The following USP34 variants were observed in gnomAD, a reference collection of about 807,000 sequenced individuals.
The protein encoded by USP34 is ubiquitin carboxyl-terminal hydrolase 34.
In USP34, 70 loss-of-function variants were observed where a neutral mutation model predicts 460.3. The observed-to-expected ratio is 0.15, with a 90% CI of 0.13 to 0.19. The LOEUF (loss-of-function observed/expected upper bound fraction) is 0.19, where lower values mean the gene tolerates loss of function less well. USP34 is among the 10% of genes least tolerant of loss of function. The pLI, the probability that USP34 is intolerant of heterozygous loss-of-function variation, is 1.00. For synonymous variants in USP34, 1,647 were observed against 1,405.3 expected (o/e 1.17, Z -3.85); for missense variants, 3,985 against 4,236.2 (o/e 0.94, Z 1.65).
At position 61,188,435 on chromosome 2, in the gene USP34, T is replaced by C. The variant is rs1262858410; in HGVS notation, c.10308A>G (p.Glu3436=). 4 of 1,614,072 alleles carry C rather than the reference T, an allele frequency of 2.5e-6. No individual in the cohort carries two copies. Among genetic ancestry groups the C allele is most frequent in the Non-Finnish European group, 3.4e-6 (4 of 1,179,994 alleles). Residue 3436 remains glutamate (E), a synonymous_variant, in exon 80 of 80, where the codon GAA becomes GAG. Coordinates refer to ENST00000398571, the MANE Select transcript of USP34 (RefSeq NM_014709.4). ...CATATCTACCATTGTTGGACTGTTC[T>C]TCTGCATGCTGTGACCTGATATTTG... is the stretch of plus-strand genomic sequence containing the variant. ...DMSNIRSQHA[E]EQSNNGRYDD...
At chr2:61,313,041 C>T (rs1690641631) in intron 25 of USP34, among the ~76,000 whole-genome samples, 1 of 152,036 alleles carries the variant, frequency 6.6e-6, no homozygotes, top group Admixed American at 6.6e-5. Context: ...CTAAGCACAT[C>T]AAGAACAAAA....
intron 2 of USP34, among the ~76,000 whole-genome samples, chr2:61,409,998 A>G (rs994127255): frequency 2.0e-5 from 3 of 152,222 alleles, no homozygotes; most frequent in Admixed American, 2.0e-4. Flanking sequence ...AAGTCTAGGT[A>G]TATGAATTCT....
chr2:61,312,401 A>G (rs1369397837), intron 25 of USP34, among the ~76,000 whole-genome samples: 1 of 152,124 alleles, frequency 6.6e-6, no homozygotes, highest in African/African-American at 2.4e-5. Context: ...AAAGTGAATT[A>G]CAAAGACTTG....
intron 33 of USP34, among the ~76,000 whole-genome samples, 162 bp downstream of exon 33, chr2:61,293,302 T>C (rs976768628): frequency 6.6e-5 from 10 of 152,278 alleles, no homozygotes; most frequent in African/African-American, 2.4e-4. Context: ...AAAACACTTA[T>C]TCCTAATTAG....
At chr2:61,224,331 A>AT (rs1179862767) in intron 62 of USP34, among the ~76,000 whole-genome samples, 1 of 152,132 alleles carries the variant, frequency 6.6e-6, no homozygotes, top group African/African-American at 2.4e-5. Context: ...CTGTCTTAAC[A>AT]TGTTTCTCTG....
At chr2:61,276,993 G>A (rs1689391387) in intron 41 of USP34, among the ~76,000 whole-genome samples, 1 of 152,150 alleles carries the variant, frequency 6.6e-6, no homozygotes, top group Admixed American at 6.5e-5. Flanking sequence ...ATGCACCAAT[G>A]TTAAGGTAAG....
intron 3 of USP34, among the ~76,000 whole-genome samples, chr2:61,396,930 T>G (rs1242496300): frequency 6.6e-6 from 1 of 152,174 alleles, no homozygotes; most frequent in African/African-American, 2.4e-5. Context: ...TCAAGTGATT[T>G]TTAAGGTTAC....
At chr2:61,338,452 CA>C (rs779181110) in intron 18 of USP34, among the ~76,000 whole-genome samples, 1 of 151,444 alleles carries the variant, frequency 6.6e-6, no homozygotes, top group African/African-American at 2.4e-5. Context: ...TTTAAAGAAC[CA>C]AAAAAAGAAA....
intron 15 of USP34, among the ~76,000 whole-genome samples, chr2:61,347,307 A>T (rs547567995): frequency 6.6e-6 from 1 of 152,250 alleles, no homozygotes; most frequent in African/African-American, 2.4e-5. Flanking sequence ...TACTTATTAC[A>T]TGTGTAAATG....
intron 18 of USP34, among the ~76,000 whole-genome samples, chr2:61,338,433 G>A (rs528652197): frequency 5.3e-5 from 8 of 152,260 alleles, no homozygotes; most frequent in African/African-American, 1.4e-4. Context: ...ACTGCTCAAC[G>A]TATTGCCCTT....
intron 5 of USP34, among the ~76,000 whole-genome samples, chr2:61,387,958 C>CAT (rs67320666): frequency 0.033 from 4,224 of 129,686 alleles, 101 homozygotes; most frequent in Non-Finnish European, 0.047. Context: ...CACACACACA[C>CAT]ATATATATAT....
chr2:61,348,402 G>A lies in USP34; in HGVS notation c.1753C>T (p.His585Tyr). Residue 585 changes from histidine to tyrosine, a missense_variant, in exon 15 of 80, where the codon CAT (histidine) becomes TAT (tyrosine). This residue lies in a region of USP34 where 716 missense variants were observed against 626.2 expected (regional missense o/e 1.14). Coordinates refer to ENST00000398571, the MANE Select transcript of USP34 (RefSeq NM_014709.4). ...ACCTCATTGCTAGATCCATCACTAT[G>A]CCCACTACTGCTACCAGGACCACTG... ...GSSGPGSSSG[H>Y]SDGSSNEVNS... 6.2e-7 allele frequency: 1 copy of A among 1,613,782 alleles called. No homozygotes were observed. Among genetic ancestry groups the A allele is most frequent in the Non-Finnish European group, 8.5e-7 (1 of 1,180,034 alleles).
intron 41 of USP34, among the ~76,000 whole-genome samples, chr2:61,272,557 C>A (rs1047662155): frequency 2.6e-5 from 4 of 152,078 alleles, no homozygotes; most frequent in Non-Finnish European, 1.5e-5. Context: ...CTCTCTGGAA[C>A]CATCGAAAAA....
At chr2:61,370,617 T>G in intron 8 of USP34, 38 bp from the exon 9 acceptor site, 1 of 1,577,790 alleles carries the variant, frequency 6.3e-7, no homozygotes, top group Non-Finnish European at 8.6e-7. Flanking sequence ...TTAAAAAAAA[T>G]TGTCATCTTT....
At chr2:61,238,174 G>T (rs180829468) in intron 53 of USP34, among the ~76,000 whole-genome samples, 1 of 151,894 alleles carries the variant, frequency 6.6e-6, no homozygotes, top group Non-Finnish European at 1.5e-5. Flanking sequence ...GGGATTACAG[G>T]TGTGAGGCAA....
At chr2:61,246,178 CT>C in intron 50 of USP34, 145 bp downstream of exon 50, 1 of 511,966 alleles carries the variant, frequency 2.0e-6, no homozygotes, top group Non-Finnish European at 3.3e-6. Flanking sequence ...CTGATTTACA[CT>C]GTCTGTTGAA....
At chr2:61,467,360 C>T (rs1051688194) in intron 1 of USP34, among the ~76,000 whole-genome samples, 5 of 152,010 alleles carry the variant, frequency 3.3e-5, no homozygotes, top group South Asian at 2.1e-4. Flanking sequence ...ATGTTGCCCA[C>T]GCTGGTCTCG....
intron 3 of USP34, among the ~76,000 whole-genome samples, chr2:61,398,579 C>G (rs1320028788): frequency 3.9e-5 from 4 of 103,886 alleles, no homozygotes; most frequent in Admixed American, 1.0e-4. Flanking sequence ...AGGGGAAAGT[C>G]GGGGGAGGGA....
At chr2:61,217,270 A>G (rs1687430189) in intron 67 of USP34, among the ~76,000 whole-genome samples, 1 of 152,202 alleles carries the variant, frequency 6.6e-6, no homozygotes, top group Admixed American at 6.5e-5. Context: ...TCCTGGATCT[A>G]GTTGTATGCT....
Sources: allele counts gnomAD v4.1 joint callset (sites outside exome capture counted in the v4.1 genomes callset), GRCh38; gene constraint gnomAD v4.1.1; regional missense constraint gnomAD v4.1.1; transcripts MANE v1.5; gene names NCBI Gene and HGNC (gene_info 2026-07-23, HGNC 2026-07-21).